Variants in ARHGAP25 observed in about 807,000 individuals in gnomAD.
ARHGAP25 encodes rho GTPase-activating protein 25.
ARHGAP25 carries 34 observed loss-of-function variants against 71.0 expected under a neutral mutation model. The observed-to-expected ratio is 0.48, with a 90% CI of 0.36 to 0.64. ARHGAP25 has a LOEUF of 0.64. Among genes scored for constraint, ARHGAP25 ranks in the 30% least tolerant of loss-of-function variants. ARHGAP25 has a pLI of 0.00. For synonymous variants in ARHGAP25, 282 were observed against 296.5 expected (o/e 0.95, Z 0.50); for missense variants, 706 against 805.1 (o/e 0.88, Z 1.49).
intron 3 of ARHGAP25, among the ~76,000 whole-genome samples, chr2:68,785,650 A>G (rs1573530762): frequency 6.6e-6 from 1 of 151,354 alleles, no homozygotes; most frequent in East Asian, 1.9e-4. Flanking sequence ...GTAGTGATAG[A>G]GGTAAGAACA....
Position 68,807,350 on chromosome 2 carries a change from G to C in ARHGAP25, c.544G>C (p.Glu182Gln). 1 of 1,614,242 alleles carries C rather than the reference G, an allele frequency of 6.2e-7. No individual in the cohort carries two copies. Residue 182 changes from glutamate (E) to glutamine (Q), a missense_variant, in exon 5 of 11, where the codon GAG becomes CAG. Glu to Gln is a conservative substitution (Grantham distance 29). Transcript: ENST00000409202. ...FGPHLVPILV[E>Q]KCAEFILEHG... ...CCCCCATCTGGTGCCCATCCTGGTG[G>C]AGAAATGTGCAGAGTTCATCCTGGA...
At chr2:68,712,582 C>T (rs1674513139) in intron 2 of ARHGAP25, among the ~76,000 whole-genome samples, 1 of 152,128 alleles carries the variant, frequency 6.6e-6, no homozygotes, top group Admixed American at 6.5e-5. Flanking sequence ...AAGTCTTTGT[C>T]CATGCCTATG....
intron 10 of ARHGAP25, 85 bp downstream of exon 10, chr2:68,822,957 A>G (rs573022057): frequency 1.4e-6 from 2 of 1,389,258 alleles, no homozygotes; most frequent in African/African-American, 2.9e-5. Flanking sequence ...CAGAGAAGTC[A>G]CATCATAAAG....
In ARHGAP25 at chr2:68,822,601, T is replaced by C; in HGVS notation, c.1462T>C (p.Ser488Pro). ...KAGEGHRRTM[S>P]QDLRQLSDSQ... ...AGGGGAAGGGCACAGGAGAACGATG[T>C]CTCAAGACTTGCGCCAACTTTCTGA... Residue 488 changes from serine (S) to proline (P), a missense_variant, in exon 10 of 11, where the codon TCT (serine) becomes CCT (proline). Physicochemically the swap from Ser to Pro is moderately conservative, Grantham distance 74. Coordinates refer to ENST00000409202, the MANE Select transcript of ARHGAP25 (RefSeq NM_001007231.3). 2 of 1,614,140 alleles carry C rather than the reference T, an allele frequency of 1.2e-6. No individual in the cohort carries two copies. Among genetic ancestry groups the C allele is most frequent in the African/African-American group, 1.3e-5 (1 of 75,040 alleles).
At chr2:68,802,407 CAAAAAAAAAA>C (rs10688959) in intron 4 of ARHGAP25, among the ~76,000 whole-genome samples, 1 of 82,152 alleles carries the variant, frequency 1.2e-5, no homozygotes, top group African/African-American at 5.0e-5. Flanking sequence ...GACTCCATCT[CAAAAAAAAAA>C]AAAAAAAAAA....
intron 1 of ARHGAP25, among the ~76,000 whole-genome samples, chr2:68,763,136 A>T (rs556280107): frequency 5.9e-5 from 9 of 152,346 alleles, no homozygotes; most frequent in Non-Finnish European, 1.3e-4. Context: ...CAAGACAATG[A>T]TGTTGGCTTT....
chr2:68,725,752 A>G (rs1346773720), intron 2 of ARHGAP25, among the ~76,000 whole-genome samples: 2 of 152,092 alleles, frequency 1.3e-5, no homozygotes, highest in Non-Finnish European at 2.9e-5. Flanking sequence ...TACCTTGTTG[A>G]CCCATCTCTT....
rs1236456894 is a variant in ARHGAP25 at position 68,719,958 on chromosome 2, C to T, written c.-18+9260C>T. Among the ~76,000 whole-genome samples, 4 of 152,126 alleles carry T rather than the reference C, an allele frequency of 2.6e-5. No homozygotes were observed. The East Asian group carries it at 5.8e-4, about 22-fold the overall frequency. ...AAGGTACGCCTATGTCCAGGTTTGT[C>T]CAGTGACCTGTCGCGTTCACTGATC... On this transcript the variant is annotated intron_variant and NMD_transcript_variant, in intron 2 of 7. Coordinates refer to the ARHGAP25 transcript ENST00000463483.
At chr2:68,813,140 C>G in intron 5 of ARHGAP25, 147 bp from the exon 6 acceptor site, 1 of 811,160 alleles carries the variant, frequency 1.2e-6, no homozygotes. Context: ...ATGTTTTGGT[C>G]TGATTCTTCT....
intron 2 of ARHGAP25, among the ~76,000 whole-genome samples, chr2:68,710,954 C>G (rs1335348415): frequency 6.6e-6 from 1 of 152,166 alleles, no homozygotes; most frequent in Non-Finnish European, 1.5e-5. Flanking sequence ...ATATGGTTCT[C>G]AGAGTCTTTT....
intron 1 of ARHGAP25, among the ~76,000 whole-genome samples, chr2:68,751,937 C>T (rs939413061): frequency 1.3e-5 from 2 of 152,186 alleles, no homozygotes; most frequent in Admixed American, 1.3e-4. Context: ...GCGGCAAACT[C>T]AGCCAAGTTT....
chr2:68,716,562 T>G (rs1674613129), intron 2 of ARHGAP25, among the ~76,000 whole-genome samples: 1 of 152,200 alleles, frequency 6.6e-6, no homozygotes, highest in Admixed American at 6.5e-5. Context: ...TGGGTGGACA[T>G]CTTTCTCTCT....
At position 68,723,719 on chromosome 2, in the gene ARHGAP25, G is replaced by A. The variant is rs906994912; in HGVS notation, c.-18+13021G>A. On this transcript the variant is annotated intron_variant and NMD_transcript_variant, in intron 2 of 7. Coordinates refer to the ARHGAP25 transcript ENST00000463483. ...TTCTCTAGCAGAGTATACCAACGTGGAATGAATGATGCCTGACTAGGCCTG... is the reference window on the plus strand; with the variant it reads ...TTCTCTAGCAGAGTATACCAACGTGAAATGAATGATGCCTGACTAGGCCTG... Among the ~76,000 whole-genome samples, 17 of 152,310 alleles carry A rather than the reference G, an allele frequency of 1.1e-4. 1 individual carries two copies. The highest frequency in any genetic ancestry group is 4.1e-4 in the African/African-American group (17 of 41,548).
At chr2:68,758,501 A>G (rs1367430186) in intron 1 of ARHGAP25, among the ~76,000 whole-genome samples, 2 of 151,988 alleles carry the variant, frequency 1.3e-5, no homozygotes, top group Non-Finnish European at 2.9e-5. Context: ...AAAAAATGCT[A>G]CAAGAAACAA....
At position 68,782,334 on chromosome 2, in the gene ARHGAP25, G is replaced by A. The variant is rs1347093141; in HGVS notation, c.349+14G>A. On this transcript the variant is annotated intron_variant, in intron 3 of 10. Coordinates refer to ENST00000409202, the MANE Select transcript of ARHGAP25 (RefSeq NM_001007231.3). ...AAATCATTCCAGGTAGGCCACCACA[G>A]GTAGGACAGAGGTGCAGTGCAGAAG... The A allele has an allele frequency of 6.2e-7, 1 of 1,613,108 alleles. No individual in the cohort carries two copies. The highest frequency in any genetic ancestry group is 1.7e-5 in the Admixed American group (1 of 60,022).
In ARHGAP25 at chr2:68,714,259, A is replaced by T. The variant is rs186650743; in HGVS notation, c.-18+3561A>T. Among the ~76,000 whole-genome samples, 406 of 152,190 alleles carry T rather than the reference A, an allele frequency of 2.7e-3. 3 individuals carry two copies. Among genetic ancestry groups the T allele is most frequent in the Non-Finnish European group, 4.6e-3 (312 of 68,002 alleles). ...TTTATCCATTTCTTCTAGATTTTCT[A>T]GTTTATTTGCATAGAGGTGTTTATA... is the stretch of plus-strand genomic sequence containing the variant. On this transcript the variant is annotated intron_variant and NMD_transcript_variant, in intron 2 of 7. Coordinates refer to the ARHGAP25 transcript ENST00000463483.
At chr2:68,782,926 T>A (rs1351355523) in intron 3 of ARHGAP25, among the ~76,000 whole-genome samples, 1 of 152,252 alleles carries the variant, frequency 6.6e-6, no homozygotes, top group Non-Finnish European at 1.5e-5. Context: ...TCTCCCTGTC[T>A]CTTGCTCCTC....
At chr2:68,821,906 G>GTTTTTTTT (rs59964574) in intron 9 of ARHGAP25, among the ~76,000 whole-genome samples, 31 of 81,616 alleles carry the variant, frequency 3.8e-4, no homozygotes, top group East Asian at 1.5e-3. Flanking sequence ...CTTTTTGCTA[G>GTTTTTTTT]TTTTTTTTTT....
chr2:68,710,639 C>T (rs1033841790), exon 2 of ARHGAP25: 1 of 152,200 alleles, frequency 6.6e-6, no homozygotes, highest in African/African-American at 2.4e-5. Context: ...GCCTAAGTGG[C>T]TCTGGACACT....
Sources: allele counts gnomAD v4.1 joint callset (sites outside exome capture counted in the v4.1 genomes callset), GRCh38; gene constraint gnomAD v4.1.1; transcripts MANE v1.5; gene names NCBI Gene and HGNC (gene_info 2026-07-23, HGNC 2026-07-21).